The following KLHL32 variants were observed in gnomAD, a reference collection of about 807,000 sequenced individuals.
KLHL32 encodes the protein kelch-like protein 32.
A neutral mutation model predicts 64.8 loss-of-function variants in KLHL32; 35 were observed. That is an observed-to-expected ratio of 0.54 (90% CI 0.41 to 0.72). The LOEUF is 0.72. Among genes scored for constraint, KLHL32 ranks in the 30% least tolerant of loss-of-function variants. The pLI, the probability that KLHL32 is intolerant of heterozygous loss-of-function variation, is 0.00. For missense variants in KLHL32, 589 were observed against 768.5 expected (o/e 0.77, Z 2.76); for synonymous variants, 259 against 281.0 (o/e 0.92, Z 0.78).
chr6:96,954,789 T>G (rs1311770923), intron 1 of KLHL32, among the ~76,000 whole-genome samples: 1 of 152,216 alleles, frequency 6.6e-6, no homozygotes, highest in Non-Finnish European at 1.5e-5. Context: ...AACCATGTAG[T>G]GCAGATTAGG....
the KLHL32 span, among the ~76,000 whole-genome samples, chr6:96,919,358 A>C: frequency 2.1e-3 from 319 of 152,340 alleles, no homozygotes; most frequent in Non-Finnish European, 3.6e-3. Context: ...ACTATGATTA[A>C]AGAGAACGGG....
chr6:96,961,057 A>T (rs548735956), intron 1 of KLHL32, among the ~76,000 whole-genome samples: 1 of 152,312 alleles, frequency 6.6e-6, no homozygotes, highest in African/African-American at 2.4e-5. Flanking sequence ...TTCTCTTCAG[A>T]ATGTAGATTT....
intron 1 of KLHL32, among the ~76,000 whole-genome samples, chr6:96,931,071 G>A (rs116584483): frequency 0.017 from 2,614 of 152,192 alleles, 70 homozygotes; most frequent in African/African-American, 0.058. Flanking sequence ...GCTGAATTAT[G>A]TAAATTTTAT....
intron 1 of KLHL32, among the ~76,000 whole-genome samples, chr6:96,960,930 G>T (rs111770851): frequency 9.0e-4 from 137 of 152,314 alleles, no homozygotes; most frequent in Non-Finnish European, 1.3e-3. Flanking sequence ...GTAAGGGGTT[G>T]TGGAGACCAA....
chr6:96,985,160 G>C (rs1405336863), intron 3 of KLHL32, among the ~76,000 whole-genome samples: 2 of 152,108 alleles, frequency 1.3e-5, no homozygotes, highest in Admixed American at 1.3e-4. Context: ...TGAAATTCTG[G>C]GTTGAAAATT....
At chr6:97,081,918 A>T (rs1263306466) in intron 5 of KLHL32, among the ~76,000 whole-genome samples, 1 of 152,176 alleles carries the variant, frequency 6.6e-6, no homozygotes, top group Non-Finnish European at 1.5e-5. Flanking sequence ...GCCAGGGTGG[A>T]TAGGGTTGCT....
At chr6:97,020,544 A>G (rs1781847874) in intron 3 of KLHL32, among the ~76,000 whole-genome samples, 1 of 150,880 alleles carries the variant, frequency 6.6e-6, no homozygotes, top group South Asian at 2.1e-4. Context: ...TTTACTTAAT[A>G]GCTGATTCCT....
chr6:96,995,172 C>A (rs1039820630), intron 3 of KLHL32, among the ~76,000 whole-genome samples: 3 of 152,166 alleles, frequency 2.0e-5, no homozygotes, highest in Admixed American at 2.0e-4. Flanking sequence ...AAGCATAGTA[C>A]CTGACACTCA....
At chr6:97,039,063 C>T (rs992763257) in intron 3 of KLHL32, among the ~76,000 whole-genome samples, 9 of 141,506 alleles carry the variant, frequency 6.4e-5, no homozygotes, top group Non-Finnish European at 1.4e-4. Context: ...GCACTCCAGC[C>T]TGGGTGGCAG....
chr6:97,014,588 A>G (rs1221292654), intron 3 of KLHL32, among the ~76,000 whole-genome samples: 2 of 152,172 alleles, frequency 1.3e-5, no homozygotes, highest in Admixed American at 6.5e-5. Flanking sequence ...TCATTGACCC[A>G]TTTGACAAAT....
At chr6:96,957,897 A>G (rs1159667741) in intron 1 of KLHL32, among the ~76,000 whole-genome samples, 2 of 152,222 alleles carry the variant, frequency 1.3e-5, no homozygotes, top group South Asian at 2.1e-4. Context: ...AAACTAAAAC[A>G]TCATGATTCA....
chr6:97,107,370 A>C (rs1384487643), intron 6 of KLHL32, among the ~76,000 whole-genome samples: 1 of 152,204 alleles, frequency 6.6e-6, no homozygotes, highest in Non-Finnish European at 1.5e-5. Context: ...ATGGAAAAAT[A>C]ATGGCAAGTA....
intron 5 of KLHL32, among the ~76,000 whole-genome samples, chr6:97,066,926 G>T (rs1789848677): frequency 6.6e-6 from 1 of 152,128 alleles, no homozygotes; most frequent in South Asian, 2.1e-4. Flanking sequence ...AATGTACCCA[G>T]GAATTGTGCC....
At chr6:96,946,979 T>G (rs924473297) in intron 1 of KLHL32, among the ~76,000 whole-genome samples, 5 of 152,190 alleles carry the variant, frequency 3.3e-5, no homozygotes, top group African/African-American at 1.2e-4. Context: ...CTAAACTTCC[T>G]TAGTAGTCAT....
chr6:97,130,712 T>C, intron 8 of KLHL32, 45 bp from the exon 9 acceptor site: 8 of 1,513,570 alleles, frequency 5.3e-6, no homozygotes, highest in Non-Finnish European at 7.2e-6. Flanking sequence ...TTTTCTGACA[T>C]GGAGGTCTCC....
At chr6:97,085,973 A>G (rs558640368) in intron 6 of KLHL32, among the ~76,000 whole-genome samples, 34 of 152,304 alleles carry the variant, frequency 2.2e-4, no homozygotes, top group African/African-American at 7.7e-4. Flanking sequence ...TGATTATTCA[A>G]TTAAATCCTC....
intron 6 of KLHL32, among the ~76,000 whole-genome samples, chr6:97,112,451 T>C (rs578003419): frequency 1.3e-5 from 2 of 149,022 alleles, no homozygotes; most frequent in East Asian, 3.9e-4. Context: ...CATTGATGAT[T>C]TTTTTTTTTT....
At position 96,996,994 on chromosome 6, in the gene KLHL32, T is replaced by A. The variant is rs1382670268; in HGVS notation, c.204+20817T>A. ...TAAGTTTGAGGAATGGGTTGGGAGG[T>A]AGGTAAACAGGACATTGTGATGGAT... On this transcript the variant is annotated intron_variant, in intron 3 of 10. Transcript: ENST00000369261. 2.6e-5 allele frequency among the ~76,000 whole-genome samples: 4 copies of A among 151,388 alleles called. No homozygotes were observed. In the East Asian group the frequency reaches 5.9e-4, roughly 22 times the overall value.
intron 4 of KLHL32, among the ~76,000 whole-genome samples, chr6:97,060,224 T>C (rs753633701): frequency 2.0e-5 from 3 of 151,760 alleles, no homozygotes; most frequent in Non-Finnish European, 4.4e-5. Context: ...ACTCACTTGA[T>C]CACAGGCAGG....
Sources: gnomAD v4.1 joint callset for allele counts (sites outside exome capture counted in the v4.1 genomes callset) on GRCh38, gnomAD v4.1.1 for gene constraint, MANE v1.5 for transcripts, NCBI Gene and HGNC (gene_info 2026-07-23, HGNC 2026-07-21) for gene names.